The following DNAAF9 variants were observed in gnomAD, a reference collection of about 807,000 sequenced individuals.
The protein encoded by DNAAF9 is dynein axonemal assembly factor 9.
Under a neutral mutation model 167.0 loss-of-function variants are expected in DNAAF9, and 90 were observed. The ratio of observed to expected loss-of-function variants is 0.54; its 90% CI spans 0.45 to 0.64. The LOEUF (loss-of-function observed/expected upper bound fraction) is 0.64, where lower values mean the gene tolerates loss of function less well. Ranked by LOEUF, DNAAF9 falls within the 30% of genes least tolerant of loss-of-function variation. The pLI is 0.00. For missense variants in DNAAF9, 1,315 were observed against 1,442.2 expected (o/e 0.91, Z 1.43); for synonymous variants, 491 against 508.8 (o/e 0.96, Z 0.47).
At chr20:3,295,052 G>T (rs952955882) in intron 23 of DNAAF9, among the ~76,000 whole-genome samples, 6 of 152,018 alleles carry the variant, frequency 3.9e-5, no homozygotes, top group Non-Finnish European at 7.4e-5. Context: ...TGTATTTTTA[G>T]TAGAGACGGG....
intron 33 of DNAAF9, 34 bp from the exon 34 acceptor site, chr20:3,256,245 C>T: frequency 6.7e-7 from 1 of 1,486,056 alleles, no homozygotes; most frequent in Non-Finnish European, 9.4e-7. Context: ...CCCTGAGAGC[C>T]TGCCTTGAAA....
At chr20:3,386,112 C>A (rs1391393454) in intron 1 of DNAAF9, among the ~76,000 whole-genome samples, 1 of 151,954 alleles carries the variant, frequency 6.6e-6, no homozygotes. Context: ...TATAGTGAGA[C>A]CTCATCTCTT....
intron 10 of DNAAF9, among the ~76,000 whole-genome samples, chr20:3,333,219 C>T (rs1302785256): frequency 6.6e-6 from 1 of 152,088 alleles, no homozygotes; most frequent in African/African-American, 2.4e-5. Context: ...ATAAGTTCCT[C>T]TAGGTTTTCA....
At chr20:3,344,635 ACAC>A (rs2070158636) in intron 8 of DNAAF9, among the ~76,000 whole-genome samples, 1 of 116,402 alleles carries the variant, frequency 8.6e-6, no homozygotes, top group Non-Finnish European at 1.8e-5. Context: ...ACACACACAC[ACAC>A]ACCTCATGTA....
chr20:3,328,712 C>T (rs999001750), intron 12 of DNAAF9, among the ~76,000 whole-genome samples: 1 of 152,104 alleles, frequency 6.6e-6, no homozygotes, highest in Admixed American at 6.5e-5. Flanking sequence ...CACCCACCAA[C>T]GTGAGGAAAT....
chr20:3,253,344 G>A (rs1470568305), intron 36 of DNAAF9, among the ~76,000 whole-genome samples: 1 of 152,214 alleles, frequency 6.6e-6, no homozygotes, highest in Non-Finnish European at 1.5e-5. Context: ...GGGAGGCTGA[G>A]GCAGGAGAAT....
chr20:3,328,358 T>G (rs1220121598), intron 12 of DNAAF9, among the ~76,000 whole-genome samples: 1 of 152,100 alleles, frequency 6.6e-6, no homozygotes, highest in Non-Finnish European at 1.5e-5. Flanking sequence ...GTTTTTGTAT[T>G]TTTAGTAGAG....
rs114205730 is a variant in DNAAF9 at position 3,386,353 on chromosome 20, C to T, written c.84-3847G>A. Among the ~76,000 whole-genome samples, 420 of 152,224 alleles carry T rather than the reference C, an allele frequency of 2.8e-3. 1 individual carries two copies. The highest frequency in any genetic ancestry group is 9.5e-3 in the African/African-American group (395 of 41,542). Reference sequence around the variant, plus strand: ...ACAAGTACAACTAACTAATTTTTAACAAAGGCACAAAAGCAATTCAATGTT... The same window carrying T: ...ACAAGTACAACTAACTAATTTTTAATAAAGGCACAAAAGCAATTCAATGTT... On this transcript the variant is annotated intron_variant, in intron 1 of 36. Coordinates refer to ENST00000252032, the MANE Select transcript of DNAAF9 (RefSeq NM_001009984.3).
rs2068168931 is a variant in DNAAF9, at chr20:3,249,548, C to T, written c.*3024G>A. The T allele has an allele frequency of 6.6e-6, 1 of 152,098 alleles. No homozygotes were observed. The highest frequency in any genetic ancestry group is 2.4e-5 in the African/African-American group (1 of 41,408). The allele number at this position is 152,098 out of a possible 1,614,324, so 9.4% of individuals were successfully genotyped here. A position where few individuals can be genotyped will look rare whatever the true frequency, so the allele number is the denominator to read the frequency against. On this transcript the variant is annotated 3_prime_UTR_variant, in exon 37 of 37. Transcript: ENST00000252032. Reference sequence around the variant, plus strand: ...AATACGAGTTTTAAAATTTAAGTTACAAATATTAAAGCACTGAAAAACTAG... The same window carrying T: ...AATACGAGTTTTAAAATTTAAGTTATAAATATTAAAGCACTGAAAAACTAG...
intron 1 of DNAAF9, among the ~76,000 whole-genome samples, chr20:3,399,454 C>T (rs1217037788): frequency 2.0e-5 from 3 of 152,044 alleles, no homozygotes; most frequent in East Asian, 1.9e-4. Context: ...GCGATCCGCC[C>T]GCCTCGGCCT....
chr20:3,292,748 A>C (rs2068983814), intron 25 of DNAAF9, among the ~76,000 whole-genome samples: 1 of 150,602 alleles, frequency 6.6e-6, no homozygotes, highest in African/African-American at 2.4e-5. Flanking sequence ...CCTGGGCAAC[A>C]GAGCGAGACT....
intron 1 of DNAAF9, 104 bp from the exon 2 acceptor site, chr20:3,382,610 T>G (rs2123247508): frequency 2.4e-6 from 2 of 837,174 alleles, no homozygotes; most frequent in East Asian, 5.1e-5. Context: ...GGAATGACTT[T>G]GCTGGGGATG....
intron 23 of DNAAF9, chr20:3,295,389 AG>A (rs1227854938): frequency 5.0e-6 from 1 of 201,312 alleles, no homozygotes; most frequent in Non-Finnish European, 1.0e-5. Flanking sequence ...CTTGTTGGCC[AG>A]GCTGGTCTTG....
At chr20:3,259,252 C>T (rs915589488) in intron 33 of DNAAF9, among the ~76,000 whole-genome samples, 2 of 152,188 alleles carry the variant, frequency 1.3e-5, no homozygotes, top group African/African-American at 2.4e-5. Context: ...GTCATCCAGG[C>T]GAGGAGGGCA....
At chr20:3,364,940 CTT>C (rs73616151) in intron 6 of DNAAF9, among the ~76,000 whole-genome samples, 3 of 143,034 alleles carry the variant, frequency 2.1e-5, no homozygotes, top group Non-Finnish European at 4.5e-5. Context: ...CCTTCTTTTC[CTT>C]TTTTCTTTTT....
chr20:3,336,090 T>C (rs2069936094), intron 10 of DNAAF9, among the ~76,000 whole-genome samples: 1 of 152,130 alleles, frequency 6.6e-6, no homozygotes, highest in Non-Finnish European at 1.5e-5. Context: ...GCCACTGCAC[T>C]CCAGCCTGGG....
At chr20:3,327,303 G>A (rs1252300082) in intron 12 of DNAAF9, among the ~76,000 whole-genome samples, 1 of 152,150 alleles carries the variant, frequency 6.6e-6, no homozygotes, top group Non-Finnish European at 1.5e-5. Context: ...CCCACTAGAT[G>A]TTGGTAGCAT....
intron 1 of DNAAF9, among the ~76,000 whole-genome samples, chr20:3,400,125 T>C (rs553010256): frequency 6.6e-6 from 1 of 152,356 alleles, no homozygotes; most frequent in East Asian, 1.9e-4. Flanking sequence ...TCTCTGGCAT[T>C]CTCTGAATAT....
Position 3,348,669 on chromosome 20 carries a change from G to A in DNAAF9, c.691-46C>T, listed in dbSNP as rs1250054632. On this transcript the variant is annotated intron_variant, in intron 7 of 36. Transcript: ENST00000252032. Reference sequence around the variant, plus strand: ...ATAACGTGTTTGGTCATATAAAGGAGGTATTTTAGAAAACGAGAATTATGA... The same window carrying A: ...ATAACGTGTTTGGTCATATAAAGGAAGTATTTTAGAAAACGAGAATTATGA... 4.3e-6 allele frequency: 5 copies of A among 1,170,372 alleles called. No individual in the cohort carries two copies. The Admixed American group carries it at 6.7e-5, about 16-fold the overall frequency. 72.5% of individuals were successfully genotyped at this position (1,170,372 alleles called of 1,614,324 possible). A position where few individuals can be genotyped will look rare whatever the true frequency, so the allele number is the denominator to read the frequency against.
Sources: allele counts gnomAD v4.1 joint callset (sites outside exome capture counted in the v4.1 genomes callset), GRCh38; gene constraint gnomAD v4.1.1; transcripts MANE v1.5; gene names NCBI Gene and HGNC (gene_info 2026-07-23, HGNC 2026-07-21).